The following DLGAP1 variants were observed in gnomAD, a reference collection of about 807,000 sequenced individuals.
The protein encoded by DLGAP1 is DLG associated protein 1, also known as disks large-associated protein 1.
In DLGAP1, 11 loss-of-function variants were observed where a neutral mutation model predicts 90.8. The ratio of observed to expected loss-of-function variants is 0.12; its 90% confidence interval spans 0.08 to 0.20. DLGAP1 has a LOEUF of 0.20. Ranked by LOEUF, DLGAP1 falls within the 10% of genes least tolerant of loss-of-function variation. DLGAP1 has a pLI of 1.00. For missense variants in DLGAP1, 1,050 were observed against 1,333.8 expected, an observed-to-expected ratio of 0.79 and a Z score of 3.31; for synonymous variants, 558 against 540.7, an observed-to-expected ratio of 1.03 and a Z score of -0.44.
chr18:3,702,985 C>T (rs1264831982), intron 7 of DLGAP1, among the ~76,000 whole-genome samples: 4 of 152,126 alleles, frequency 2.6e-5, no homozygotes, highest in African/African-American at 9.7e-5. Flanking sequence ...AGGACAAAGG[C>T]AAGCAAGGGT....
chr18:4,266,485 T>C (rs2079134295), intron 1 of DLGAP1, among the ~76,000 whole-genome samples: 2 of 152,238 alleles, frequency 1.3e-5, no homozygotes. Context: ...GCACAGAGCA[T>C]AGGTATCTTC....
intron 5 of DLGAP1, among the ~76,000 whole-genome samples, chr18:3,762,731 G>A (rs1397706661): frequency 1.3e-5 from 2 of 152,128 alleles, no homozygotes; most frequent in African/African-American, 2.4e-5. Flanking sequence ...CAATGGTTCT[G>A]AACACAGCAA....
At chr18:4,394,020 C>T (rs1286441551) in intron 1 of DLGAP1, among the ~76,000 whole-genome samples, 1 of 152,112 alleles carries the variant, frequency 6.6e-6, no homozygotes, top group African/African-American at 2.4e-5. Context: ...CTGGTACTGT[C>T]CATGGCAGAG....
chr18:3,827,008 T>A (rs1478466488), intron 4 of DLGAP1, among the ~76,000 whole-genome samples: 2 of 152,180 alleles, frequency 1.3e-5, no homozygotes, highest in Non-Finnish European at 2.9e-5. Flanking sequence ...CTGGAAGGAC[T>A]GAATTCCCAT....
intron 1 of DLGAP1, among the ~76,000 whole-genome samples, chr18:4,218,193 AG>A (rs1248731136): frequency 6.6e-6 from 1 of 151,712 alleles, no homozygotes; most frequent in Admixed American, 6.6e-5. Context: ...TTCTTTGTCA[AG>A]GATCAGTTGG....
chr18:3,755,052 T>A (rs1040693471), intron 5 of DLGAP1, among the ~76,000 whole-genome samples: 6 of 152,182 alleles, frequency 3.9e-5, no homozygotes, highest in African/African-American at 1.4e-4. Flanking sequence ...GTAGTTCATA[T>A]CATACTACTA....
intron 1 of DLGAP1, among the ~76,000 whole-genome samples, chr18:4,448,400 C>T (rs1185509981): frequency 6.6e-6 from 1 of 152,108 alleles, no homozygotes; most frequent in Non-Finnish European, 1.5e-5. Flanking sequence ...TTTTTGTTTG[C>T]CCATACTTGG....
intron 7 of DLGAP1, among the ~76,000 whole-genome samples, chr18:3,679,590 G>A (rs1036204618): frequency 2.7e-5 from 4 of 149,684 alleles, no homozygotes; most frequent in African/African-American, 9.9e-5. Context: ...GCAGGCAATA[G>A]AGAGTATATG....
At chr18:3,963,906 C>G (rs942220748) in intron 3 of DLGAP1, among the ~76,000 whole-genome samples, 4 of 152,086 alleles carry the variant, frequency 2.6e-5, no homozygotes, top group African/African-American at 9.7e-5. Flanking sequence ...ATGTAAATAC[C>G]AATTAAAGTT....
chr18:3,687,623 T>C (rs1304029536), intron 7 of DLGAP1, among the ~76,000 whole-genome samples: 4 of 152,186 alleles, frequency 2.6e-5, no homozygotes, highest in Admixed American at 6.5e-5. Flanking sequence ...TAATTATATA[T>C]AGTCATCACA....
At chr18:4,431,793 G>T (rs1475727346) in intron 1 of DLGAP1, among the ~76,000 whole-genome samples, 1 of 152,126 alleles carries the variant, frequency 6.6e-6, no homozygotes, top group Non-Finnish European at 1.5e-5. Context: ...TTTACAAAGA[G>T]TTCTCTTATT....
intron 1 of DLGAP1, among the ~76,000 whole-genome samples, chr18:4,181,837 G>C (rs759014786): frequency 4.6e-5 from 7 of 152,064 alleles, no homozygotes; most frequent in African/African-American, 1.7e-4. Flanking sequence ...AATTAGGGGA[G>C]CCCTTACTGA....
At chr18:4,003,227 T>C (rs990690741) in intron 3 of DLGAP1, among the ~76,000 whole-genome samples, 2 of 151,910 alleles carry the variant, frequency 1.3e-5, no homozygotes, top group African/African-American at 4.8e-5. Context: ...CTCCTCCGGG[T>C]TGTAGTTGGA....
intron 1 of DLGAP1, among the ~76,000 whole-genome samples, chr18:4,188,421 G>A (rs1281950176): frequency 6.6e-6 from 1 of 152,058 alleles, no homozygotes; most frequent in African/African-American, 2.4e-5. Flanking sequence ...GTCATCTTAA[G>A]CCTTGCATGC....
intron 1 of DLGAP1, among the ~76,000 whole-genome samples, chr18:4,269,350 A>ATTT (rs1276704887): frequency 5.5e-4 from 70 of 127,070 alleles, no homozygotes; most frequent in East Asian, 1.6e-3. Flanking sequence ...ATATATATAT[A>ATTT]TATATTTTTT....
At chr18:3,702,569 T>A (rs2061316742) in intron 7 of DLGAP1, among the ~76,000 whole-genome samples, 1 of 152,164 alleles carries the variant, frequency 6.6e-6, no homozygotes, top group African/African-American at 2.4e-5. Context: ...CCTAGACCCT[T>A]CCCTGGGTTT....
intron 2 of DLGAP1, among the ~76,000 whole-genome samples, chr18:4,018,584 C>T (rs2074559490): frequency 1.3e-5 from 2 of 152,154 alleles, no homozygotes; most frequent in Admixed American, 1.3e-4. Context: ...TGAGTACTTC[C>T]CATGTAACCT....
intron 5 of DLGAP1, among the ~76,000 whole-genome samples, chr18:3,758,155 C>T (rs951520726): frequency 5.3e-5 from 8 of 150,840 alleles, no homozygotes; most frequent in African/African-American, 9.8e-5. Flanking sequence ...GATAACTGTT[C>T]TTGTCACTTC....
In DLGAP1 at chr18:3,892,499, G is replaced by C. The variant is rs574173216; in HGVS notation, c.-72-12359C>G. On this transcript the variant is annotated intron_variant, in intron 3 of 12. Coordinates refer to ENST00000315677, the MANE Select transcript of DLGAP1 (RefSeq NM_004746.4). ...ACAAATTCTTATCCCTTCTTGAAGA[G>C]TAGGTACAAATATAGCCTCCTTCTT... Among the ~76,000 whole-genome samples, 11 of 152,246 alleles carry C rather than the reference G, an allele frequency of 7.2e-5. No homozygotes were observed. In the East Asian group the frequency reaches 2.1e-3, roughly 29 times the overall value.
Sources: gnomAD v4.1 joint callset for allele counts (sites outside exome capture counted in the v4.1 genomes callset) on GRCh38, gnomAD v4.1.1 for gene constraint, MANE v1.5 for transcripts, NCBI Gene and HGNC (gene_info 2026-07-23, HGNC 2026-07-21) for gene names.